MAP1B: variants seen among roughly 807,000 people sequenced by gnomAD.
MAP1B encodes microtubule-associated protein 1B.
MAP1B carries 12 observed loss-of-function variants against 176.1 expected under a neutral mutation model. The ratio of observed to expected loss-of-function variants is 0.07; its 90% CI spans 0.04 to 0.11. The LOEUF is 0.11. MAP1B is among the 10% of genes least tolerant of loss of function. The pLI, the probability that MAP1B is intolerant of heterozygous loss-of-function variation, is 1.00. For synonymous variants in MAP1B, 1,044 were observed against 1,135.0 expected (o/e 0.92, Z 1.61); for missense variants, 2,523 against 2,990.5 (o/e 0.84, Z 3.65).
rs143699072 is a variant in MAP1B, at chr5:72,198,256, C to G, written c.4901C>G (p.Pro1634Arg). ...FSPKTAKSRT[P>R]VQDHRSEQSS... ...CCTAAAACTGCAAAGTCCAGGACAC[C>G]CGTTCAAGATCACAGATCTGAACAG... The change falls in exon 5 of 7, where the codon CCC becomes CGC. Residue 1634 changes from proline (P) to arginine (R), a missense_variant. By Grantham distance (103) the Pro-to-Arg change is moderately radical. Around this residue, in one of 4 missense-constraint regions of MAP1B, gnomAD observed 1,925 missense variants for 2,126.0 expected, o/e 0.91. Coordinates refer to ENST00000296755, the MANE Select transcript of MAP1B (RefSeq NM_005909.5). The G allele has an allele frequency of 3.0e-5, 48 of 1,614,222 alleles. No individual in the cohort carries two copies. The African/African-American group carries it at 6.3e-4, about 21-fold the overall frequency.
chr5:72,168,106 T>C (rs956305497), intron 2 of MAP1B, among the ~76,000 whole-genome samples: 10 of 152,340 alleles, frequency 6.6e-5, no homozygotes, highest in African/African-American at 2.4e-4. Context: ...CTTGCTCACC[T>C]CCTGCCTTTC....
chr5:72,174,277 C>CA (rs1230622745), intron 2 of MAP1B, among the ~76,000 whole-genome samples: 1 of 152,136 alleles, frequency 6.6e-6, no homozygotes. Context: ...GAATGATAAA[C>CA]ATTGACCTTT....
intron 4 of MAP1B, 37 bp from the exon 5 acceptor site, chr5:72,193,829 C>T (rs1747082729): frequency 3.9e-6 from 6 of 1,537,896 alleles, no homozygotes; most frequent in Non-Finnish European, 5.2e-6. Flanking sequence ...TAATCACTTA[C>T]ACCTTTTCTT....
At chr5:72,192,238 C>CA (rs1012010723) in intron 4 of MAP1B, among the ~76,000 whole-genome samples, 2 of 152,062 alleles carry the variant, frequency 1.3e-5, no homozygotes, top group Non-Finnish European at 2.9e-5. Flanking sequence ...AACTATTGTA[C>CA]AAAAAACCAT....
In MAP1B at chr5:72,195,829, C is replaced by T. The variant is rs1747148071; in HGVS notation, c.2474C>T (p.Ala825Val). ...ATTGGCCCTGCCAAAGAACTCGAAG[C>T]TGAGAGGTCCCTTATGTCATCTCCT... The part of the protein sequence containing the change: ...AAIGPAKELE[A>V]ERSLMSSPED... The change falls in exon 5 of 7, where the codon GCT becomes GTT. Residue 825 changes from alanine to valine, a missense_variant. By Grantham distance (64) the Ala-to-Val change is moderately conservative. This residue lies in a region of MAP1B where 1,925 missense variants were observed against 2,126.0 expected (regional missense o/e 0.91). Coordinates refer to ENST00000296755, the MANE Select transcript of MAP1B (RefSeq NM_005909.5). 2 of 1,614,234 alleles carry T rather than the reference C, an allele frequency of 1.2e-6. No homozygotes were observed. Among genetic ancestry groups the T allele is most frequent in the East Asian group, 4.5e-5 (2 of 44,884 alleles).
At chr5:72,134,208 A>T (rs904268381) in intron 2 of MAP1B, among the ~76,000 whole-genome samples, 1 of 152,210 alleles carries the variant, frequency 6.6e-6, no homozygotes, top group African/African-American at 2.4e-5. Context: ...CTACTTGGGG[A>T]TATAAACTTT....
chr5:72,132,970 C>A (rs940825035), intron 2 of MAP1B, among the ~76,000 whole-genome samples: 2 of 152,046 alleles, frequency 1.3e-5, no homozygotes, highest in Admixed American at 1.3e-4. Flanking sequence ...GTAGGGACTC[C>A]TTAGCAAGGC....
rs569523621 is a variant in MAP1B at position 72,198,857 on chromosome 5, C to T, written c.5502C>T (p.Ala1834=). The T allele has an allele frequency of 1.2e-6, 2 of 1,614,182 alleles. No individual in the cohort carries two copies. Among genetic ancestry groups the T allele is most frequent in the African/African-American group, 1.3e-5 (1 of 75,030 alleles). The part of the protein sequence containing the change: ...AASAEPYGFR[A]SVLFDTMQHH... ...CCGCAGAGCCCTATGGCTTCCGTGC[C>T]TCAGTGTTATTCGATACAATGCAAC... is the stretch of plus-strand genomic sequence containing the variant. The change falls in exon 5 of 7, where the codon GCC becomes GCT. Residue 1834 remains alanine (A), a synonymous_variant. Coordinates refer to ENST00000296755, the MANE Select transcript of MAP1B (RefSeq NM_005909.5).
chr5:72,157,740 A>T (rs1746251651), intron 2 of MAP1B, among the ~76,000 whole-genome samples: 1 of 152,240 alleles, frequency 6.6e-6, no homozygotes, highest in South Asian at 2.1e-4. Context: ...CAAAGCCCAA[A>T]ACCTTCCAGT....
rs199789931 is a variant in MAP1B, at chr5:72,194,138, C to T, written c.783C>T (p.Cys261=). The T allele has an allele frequency of 6.2e-7, 1 of 1,614,184 alleles. No individual in the cohort carries two copies. Among genetic ancestry groups the T allele is most frequent in the East Asian group, 2.2e-5 (1 of 44,888 alleles). ...GATTTCTGAAGCTCTCCAAGCCCTG[C>T]TGTTATATTTTTCCAGGAGGGAGGG... is the stretch of plus-strand genomic sequence containing the variant. ...SGGFLKLSKP[C]CYIFPGGRGD... Residue 261 remains cysteine (C), a synonymous_variant, in exon 5 of 7, where the codon TGC becomes TGT. Coordinates refer to ENST00000296755, the MANE Select transcript of MAP1B (RefSeq NM_005909.5). This position sits in a 1 kb window ranked among gnomAD's most constrained non-coding sequence, Gnocchi z 7.2.
chr5:72,131,067 GA>G (rs1256099011), intron 2 of MAP1B, among the ~76,000 whole-genome samples: 7 of 152,112 alleles, frequency 4.6e-5, no homozygotes, highest in Non-Finnish European at 8.8e-5. Flanking sequence ...AGCAAATGAA[GA>G]CACAGTCCCT....
chr5:72,154,615 G>A (rs1030934202), intron 2 of MAP1B, among the ~76,000 whole-genome samples: 1 of 152,160 alleles, frequency 6.6e-6, no homozygotes, highest in Non-Finnish European at 1.5e-5. Flanking sequence ...ACAAACACAG[G>A]TCCCCTACCA....
chr5:72,207,185 A>G lies in MAP1B; in HGVS notation c.*1946A>G, dbSNP rs539428554. 3.3e-5 allele frequency: 5 copies of G among 152,342 alleles called. No homozygotes were observed. In the East Asian group the frequency reaches 5.8e-4, roughly 18 times the overall value. 9.4% of individuals were successfully genotyped at this position (152,342 alleles called of 1,614,324 possible). ...ACTGACATCAAGTTTCAAGTTGCAG[A>G]TCAATGCACCCAGTGTTCAGATGAG... On this transcript the variant is annotated 3_prime_UTR_variant, in exon 7 of 7. Coordinates refer to ENST00000296755, the MANE Select transcript of MAP1B (RefSeq NM_005909.5).
At chr5:72,134,978 G>A (rs146391273) in intron 2 of MAP1B, among the ~76,000 whole-genome samples, 158 of 150,494 alleles carry the variant, frequency 1.0e-3, no homozygotes, top group Non-Finnish European at 1.7e-3. Context: ...AATCAGGAGC[G>A]AGGTGGAATC....
chr5:72,143,562 T>C (rs945922051), intron 2 of MAP1B, among the ~76,000 whole-genome samples: 3 of 152,238 alleles, frequency 2.0e-5, no homozygotes, highest in Non-Finnish European at 4.4e-5. Context: ...CCTCCCTCGA[T>C]ATCACACTGC....
At chr5:72,179,366 G>A (rs1052142089) in intron 2 of MAP1B, among the ~76,000 whole-genome samples, 3 of 152,234 alleles carry the variant, frequency 2.0e-5, no homozygotes, top group African/African-American at 7.2e-5. Context: ...CAATGGTGGA[G>A]AGAGAGGCTG....
chr5:72,110,796 C>T (rs1050837179), intron 1 of MAP1B, among the ~76,000 whole-genome samples: 43 of 152,324 alleles, frequency 2.8e-4, no homozygotes, highest in African/African-American at 9.9e-4. Flanking sequence ...TTACTGAGGG[C>T]TCTCTGGGAA....
intron 1 of MAP1B, among the ~76,000 whole-genome samples, chr5:72,112,980 G>A (rs546425012): frequency 1.3e-5 from 2 of 152,314 alleles, no homozygotes; most frequent in Admixed American, 6.5e-5. Flanking sequence ...GATTCAGAGA[G>A]GGGAGAATAT....
At chr5:72,135,409 TTC>T (rs367588904) in intron 2 of MAP1B, among the ~76,000 whole-genome samples, 1 of 151,838 alleles carries the variant, frequency 6.6e-6, no homozygotes, top group African/African-American at 2.4e-5. Context: ...TTTTCTTTTT[TTC>T]TCTCTCTCTC....
Sources: gnomAD v4.1 joint callset for allele counts (sites outside exome capture counted in the v4.1 genomes callset) on GRCh38, gnomAD v4.1.1 for gene constraint, gnomAD v4.1.1 regional missense constraint, Gnocchi (gnomAD v3.1) non-coding constraint, MANE v1.5 for transcripts, NCBI Gene and HGNC (gene_info 2026-07-23, HGNC 2026-07-21) for gene names.